The following SGCZ variants were observed in gnomAD, a reference collection of about 807,000 sequenced individuals.
SGCZ encodes sarcoglycan zeta, also known as zeta-sarcoglycan.
In SGCZ, 40 loss-of-function variants were observed where a neutral mutation model predicts 41.3. That is an observed-to-expected ratio of 0.97 (90% CI 0.75 to 1.26). The LOEUF is 1.26. SGCZ is among the 50% of genes most tolerant of loss of function. SGCZ has a pLI of 0.00. For missense variants in SGCZ, 552 were observed against 369.8 expected, an observed-to-expected ratio of 1.49 and a Z score of -4.04; for synonymous variants, 206 against 137.5, an observed-to-expected ratio of 1.50 and a Z score of -3.49.
At chr8:14,350,487 A>G (rs956708859) in intron 2 of SGCZ, among the ~76,000 whole-genome samples, 5 of 152,050 alleles carry the variant, frequency 3.3e-5, no homozygotes, top group African/African-American at 1.2e-4. Flanking sequence ...GGGGCTGGTG[A>G]TTCTCTGCTA....
intron 1 of SGCZ, among the ~76,000 whole-genome samples, chr8:14,812,337 T>C (rs1057068814): frequency 2.0e-5 from 3 of 152,042 alleles, no homozygotes; most frequent in African/African-American, 7.2e-5. Flanking sequence ...TATACAAACA[T>C]AGTTGGCAAT....
chr8:14,378,231 G>A (rs1326200261), intron 2 of SGCZ, among the ~76,000 whole-genome samples: 2 of 151,354 alleles, frequency 1.3e-5, no homozygotes, highest in Non-Finnish European at 2.9e-5. Flanking sequence ...TCTAACTGGT[G>A]TGAGATGGTA....
At chr8:14,647,424 C>T (rs1403837048) in intron 1 of SGCZ, among the ~76,000 whole-genome samples, 1 of 151,970 alleles carries the variant, frequency 6.6e-6, no homozygotes, top group Non-Finnish European at 1.5e-5. Context: ...TTTCACTGAT[C>T]TATTTAGAGA....
chr8:15,110,268 C>T (rs1350771747), intron 1 of SGCZ, among the ~76,000 whole-genome samples: 1 of 152,054 alleles, frequency 6.6e-6, no homozygotes, highest in Non-Finnish European at 1.5e-5. Flanking sequence ...ACCATTGCAT[C>T]AAAAAGACTC....
chr8:14,864,112 A>G (rs1035282888), intron 1 of SGCZ, among the ~76,000 whole-genome samples: 1 of 152,184 alleles, frequency 6.6e-6, no homozygotes, highest in Non-Finnish European at 1.5e-5. Context: ...TTCTTGAACT[A>G]GATGCTCATT....
intron 1 of SGCZ, among the ~76,000 whole-genome samples, chr8:14,593,275 G>A (rs1805298102): frequency 6.6e-6 from 1 of 152,200 alleles, no homozygotes; most frequent in South Asian, 2.1e-4. Flanking sequence ...AATGATGAGA[G>A]AAGCAAGTGG....
At chr8:14,490,756 C>T (rs896238166) in intron 2 of SGCZ, among the ~76,000 whole-genome samples, 18 of 152,120 alleles carry the variant, frequency 1.2e-4, no homozygotes, top group African/African-American at 4.3e-4. Flanking sequence ...CATCAGACCT[C>T]TTATGACAAT....
intron 1 of SGCZ, among the ~76,000 whole-genome samples, chr8:15,131,515 G>T (rs1306794972): frequency 1.3e-5 from 2 of 152,188 alleles, no homozygotes; most frequent in African/African-American, 2.4e-5. Context: ...CACTAAGGAA[G>T]TTCCAAATAT....
intron 1 of SGCZ, among the ~76,000 whole-genome samples, chr8:14,569,361 T>C (rs1224212878): frequency 6.6e-6 from 1 of 152,242 alleles, no homozygotes; most frequent in Non-Finnish European, 1.5e-5. Flanking sequence ...TGTGGGTCCT[T>C]ACTGTTTCAG....
chr8:14,295,433 G>C (rs12677537), intron 3 of SGCZ, among the ~76,000 whole-genome samples: 20,710 of 152,134 alleles, frequency 0.14, 1,597 homozygotes, highest in Admixed American at 0.21. Context: ...TGTCAATACA[G>C]AGTATAATTT....
At chr8:14,841,237 C>T (rs1802897448) in intron 1 of SGCZ, among the ~76,000 whole-genome samples, 1 of 152,004 alleles carries the variant, frequency 6.6e-6, no homozygotes, top group African/African-American at 2.4e-5. Context: ...CAAATGTAAA[C>T]TAAAGAGCAA....
At chr8:14,415,810 A>G (rs10104403) in intron 2 of SGCZ, among the ~76,000 whole-genome samples, 3,373 of 152,040 alleles carry the variant, frequency 0.022, 98 homozygotes, top group African/African-American at 0.061. Flanking sequence ...GGCTCACACT[A>G]CATATTACAG....
At chr8:14,693,004 T>C (rs988410557) in intron 1 of SGCZ, among the ~76,000 whole-genome samples, 3 of 152,202 alleles carry the variant, frequency 2.0e-5, no homozygotes, top group Admixed American at 1.3e-4. Context: ...ATAACTTTAA[T>C]GGATAGTGGC....
chr8:14,487,524 C>G lies in SGCZ; in HGVS notation c.234+67208G>C, dbSNP rs552686094. ...CCTTCCAGATTCTAAGAGTTTGAGT[C>G]TTGAAATGCTTTTGACTTCAAACCA... On this transcript the variant is annotated intron_variant, in intron 2 of 7. Coordinates refer to ENST00000382080, the MANE Select transcript of SGCZ (RefSeq NM_139167.4). 4.0e-5 allele frequency among the ~76,000 whole-genome samples: 6 copies of G among 150,870 alleles called. No individual in the cohort carries two copies. The South Asian group carries it at 1.1e-3, about 27-fold the overall frequency.
At position 14,447,591 on chromosome 8, in the gene SGCZ, G is replaced by A. The variant is rs570327264; in HGVS notation, c.234+107141C>T. On this transcript the variant is annotated intron_variant, in intron 2 of 7. Transcript: ENST00000382080. ...AAGCAATCAACATTACAACTCTTACGCTGTGCTTTAAACTCCCCATAACCT... is the reference window on the plus strand; with the variant it reads ...AAGCAATCAACATTACAACTCTTACACTGTGCTTTAAACTCCCCATAACCT... 2.0e-5 allele frequency among the ~76,000 whole-genome samples: 3 copies of A among 152,176 alleles called. No homozygotes were observed. The South Asian group carries it at 6.2e-4, about 31-fold the overall frequency.
chr8:14,548,565 G>A (rs1014990900), intron 2 of SGCZ, among the ~76,000 whole-genome samples: 3 of 152,004 alleles, frequency 2.0e-5, no homozygotes, highest in East Asian at 1.9e-4. Context: ...AAAATTCCAC[G>A]AGAAATGCAC....
At chr8:15,136,781 C>A (rs1218323943) in intron 1 of SGCZ, among the ~76,000 whole-genome samples, 1 of 152,108 alleles carries the variant, frequency 6.6e-6, no homozygotes. Context: ...CACCTCTTTT[C>A]TTTATAAATT....
intron 1 of SGCZ, among the ~76,000 whole-genome samples, chr8:15,159,750 CCA>C (rs1189541279): frequency 0.044 from 2,262 of 50,930 alleles, 266 homozygotes; most frequent in Non-Finnish European, 0.07. Flanking sequence ...ACCCTCCCCC[CCA>C]CCCCCGCCAC....
intron 1 of SGCZ, among the ~76,000 whole-genome samples, chr8:14,773,150 G>C (rs896449308): frequency 1.3e-5 from 2 of 152,072 alleles, no homozygotes; most frequent in African/African-American, 4.8e-5. Context: ...TCTCATTGTG[G>C]TTTTGATTTG....
Sources: allele counts gnomAD v4.1 joint callset (sites outside exome capture counted in the v4.1 genomes callset), GRCh38; gene constraint gnomAD v4.1.1; transcripts MANE v1.5; gene names NCBI Gene and HGNC (gene_info 2026-07-23, HGNC 2026-07-21).